Variants in SLF2 observed in about 807,000 individuals in gnomAD.
The protein encoded by SLF2 is SMC5-SMC6 complex localization factor protein 2.
SLF2 carries 68 observed loss-of-function variants against 124.3 expected under a neutral mutation model. The observed-to-expected ratio is 0.55, with a 90% CI of 0.45 to 0.67. The LOEUF is 0.67. Among genes scored for constraint, SLF2 ranks in the 30% least tolerant of loss-of-function variants. The pLI, the probability that SLF2 is intolerant of heterozygous loss-of-function variation, is 0.00. For synonymous variants in SLF2, 480 were observed against 478.8 expected, an observed-to-expected ratio of 1.00 and a Z score of -0.03; for missense variants, 1,246 against 1,373.7, an observed-to-expected ratio of 0.91 and a Z score of 1.47.
intron 4 of SLF2, among the ~76,000 whole-genome samples, chr10:100,921,659 C>G (rs1849526170): frequency 6.6e-6 from 1 of 152,212 alleles, no homozygotes; most frequent in African/African-American, 2.4e-5. Flanking sequence ...CAGTGTTTGT[C>G]TCCTCCTGGA....
At chr10:100,918,765 A>C (rs983157780) in intron 4 of SLF2, among the ~76,000 whole-genome samples, 1 of 152,070 alleles carries the variant, frequency 6.6e-6, no homozygotes, top group Non-Finnish European at 1.5e-5. Flanking sequence ...CTGGGACTAC[A>C]GATGTGGGCA....
In SLF2 at chr10:100,939,379, A is replaced by G. The variant is rs186917642; in HGVS notation, c.2654+643A>G. The stretch of plus-strand genomic sequence containing the variant: ...GGTGACAGAGTGAGACCTTGTCTTT[A>G]AAAAAAAAAAGGTGGGGGCCAGGCA... On this transcript the variant is annotated intron_variant, in intron 11 of 19. Coordinates refer to ENST00000238961, the MANE Select transcript of SLF2 (RefSeq NM_018121.4). Among the ~76,000 whole-genome samples, 110 of 144,164 alleles carry G rather than the reference A, an allele frequency of 7.6e-4. 2 individuals are homozygous for G. Among genetic ancestry groups the G allele is most frequent in the Non-Finnish European group, 1.5e-4 (10 of 64,994 alleles). The allele number at this position is 144,164 out of a possible 152,430, so 94.6% of individuals were successfully genotyped here. A position where few individuals can be genotyped will look rare whatever the true frequency, so the allele number is the denominator to read the frequency against.
chr10:100,958,259 A>G (rs1479841478), intron 18 of SLF2, among the ~76,000 whole-genome samples: 2 of 152,202 alleles, frequency 1.3e-5, no homozygotes, highest in African/African-American at 4.8e-5. Context: ...CATTTGAACA[A>G]TGCCCATTCA....
rs568647673 is a variant in SLF2, at chr10:100,952,914, G to A, written c.3330+2161G>A. 7.3e-4 allele frequency among the ~76,000 whole-genome samples: 111 copies of A among 152,234 alleles called. 1 individual carries two copies. The highest frequency in any genetic ancestry group is 6.0e-4 in the Non-Finnish European group (41 of 68,022). Reference sequence around the variant, plus strand: ...AGATCACGCCATTGCACACCAGCCTGGGCAACAGGAGCAAAATTCTGTCTC... The same window carrying A: ...AGATCACGCCATTGCACACCAGCCTAGGCAACAGGAGCAAAATTCTGTCTC... On this transcript the variant is annotated intron_variant, in intron 17 of 19. Transcript: ENST00000238961.
intron 12 of SLF2, 143 bp from the exon 13 acceptor site, chr10:100,945,187 T>C (rs576188903): frequency 1.2e-4 from 73 of 623,636 alleles, no homozygotes; most frequent in African/African-American, 1.1e-3. Context: ...GAGTAGTTCT[T>C]GCCTTCTTTT....
intron 9 of SLF2, among the ~76,000 whole-genome samples, chr10:100,935,845 GTTTTT>G (rs1377424639): frequency 7.5e-6 from 1 of 132,536 alleles, no homozygotes; most frequent in Non-Finnish European, 1.6e-5. Context: ...GATTTTTTGG[GTTTTT>G]TTTTTTTTCT....
chr10:100,945,364 G>T lies in SLF2; in HGVS notation c.2792G>T (p.Gly931Val), dbSNP rs1158721727. 2.5e-6 allele frequency: 4 copies of T among 1,600,194 alleles called. No individual in the cohort carries two copies. The highest frequency in any genetic ancestry group is 1.1e-5 in the South Asian group (1 of 87,172). The change falls in exon 13 of 20, where the codon GGT becomes GTT. Residue 931 changes from glycine to valine, a missense_variant. Coordinates refer to ENST00000238961, the MANE Select transcript of SLF2 (RefSeq NM_018121.4). ...TTGTGTACATCTATACATCCAGAAG[G>T]TTACCAGGATCGTGAAATAATGTTG... ...LGLCTSIHPEGYQDREIMLLI... is the reference protein window; with the variant it reads ...LGLCTSIHPEVYQDREIMLLI...
intron 18 of SLF2, among the ~76,000 whole-genome samples, chr10:100,957,617 C>G (rs906351160): frequency 6.6e-6 from 1 of 151,620 alleles, no homozygotes; most frequent in Non-Finnish European, 1.5e-5. Flanking sequence ...CCTCGGCATC[C>G]CAAAGAGCTG....
At position 100,962,305 on chromosome 10, in the gene SLF2, C is replaced by T. The variant is rs1384572041; in HGVS notation, c.*393C>T. 6.5e-6 allele frequency: 1 copy of T among 154,728 alleles called. No individual in the cohort carries two copies. Among genetic ancestry groups the T allele is most frequent in the Admixed American group, 6.5e-5 (1 of 15,354 alleles). 9.6% of individuals were successfully genotyped at this position (154,728 alleles called of 1,614,324 possible). ...TATATAAGAAAAGAGCTTGGACTAA[C>T]TTGAGAAGTTGGACATGGAAAGCAA... is the stretch of plus-strand genomic sequence containing the variant. On this transcript the variant is annotated 3_prime_UTR_variant, in exon 20 of 20. Transcript: ENST00000238961.
chr10:100,959,908 C>T (rs1282208636), intron 19 of SLF2, among the ~76,000 whole-genome samples: 2 of 152,134 alleles, frequency 1.3e-5, no homozygotes, highest in African/African-American at 4.8e-5. Flanking sequence ...AAATCCCATA[C>T]CCATTAGCAG....
chr10:100,935,859 C>CTT (rs556164456), intron 9 of SLF2, among the ~76,000 whole-genome samples: 28 of 99,326 alleles, frequency 2.8e-4, no homozygotes, highest in South Asian at 7.2e-4. Flanking sequence ...TTTTTTTTTT[C>CTT]TTTTTTTTTT....
intron 1 of SLF2, among the ~76,000 whole-genome samples, chr10:100,915,654 G>T (rs1849400296): frequency 6.6e-6 from 1 of 152,094 alleles, no homozygotes; most frequent in Non-Finnish European, 1.5e-5. Flanking sequence ...TTCATATGCT[G>T]ATACCCAAGA....
chr10:100,951,044 C>G (rs1280574848), intron 17 of SLF2, among the ~76,000 whole-genome samples: 1 of 152,164 alleles, frequency 6.6e-6, no homozygotes, highest in Non-Finnish European at 1.5e-5. Flanking sequence ...AGTTCAAGAC[C>G]AGCCTGGCCA....
At chr10:100,930,849 C>T in intron 8 of SLF2, 127 bp from the exon 9 acceptor site, 2 of 693,666 alleles carry the variant, frequency 2.9e-6, no homozygotes, top group Non-Finnish European at 5.1e-6. Context: ...GGTATAGAGT[C>T]CACCTCTATG....
Position 100,913,067 on chromosome 10 carries a change from C to G in SLF2, c.-44C>G. The G allele has an allele frequency of 1.3e-6, 2 of 1,599,662 alleles. No individual in the cohort carries two copies. Among genetic ancestry groups the G allele is most frequent in the Non-Finnish European group, 1.7e-6 (2 of 1,173,480 alleles). On this transcript the variant is annotated 5_prime_UTR_variant, in exon 1 of 20. Transcript: ENST00000238961. ...AGCAAGACGGCAACCACGCACCCAA[C>G]TTCTCCAGCCACGGCTCATGCCGCC...
At chr10:100,930,256 T>C (rs1849705720) in intron 8 of SLF2, among the ~76,000 whole-genome samples, 1 of 152,204 alleles carries the variant, frequency 6.6e-6, no homozygotes, top group Non-Finnish European at 1.5e-5. Context: ...ATAATAGTGG[T>C]TTAAACAAGA....
chr10:100,922,571 A>G (rs188568225), intron 4 of SLF2, among the ~76,000 whole-genome samples: 65 of 152,236 alleles, frequency 4.3e-4, no homozygotes, highest in African/African-American at 1.5e-3. Context: ...AATTTGATTT[A>G]GGGAAATCTG....
At chr10:100,961,784 G>T in intron 19 of SLF2, 93 bp from the exon 20 acceptor site, 2 of 1,052,500 alleles carry the variant, frequency 1.9e-6, no homozygotes, top group Non-Finnish European at 2.8e-6. Context: ...TCTTATCAAA[G>T]CCCATTGTCT....
rs545862795 is a variant in SLF2 at position 100,953,559 on chromosome 10, T to G, written c.3330+2806T>G. 2.6e-5 allele frequency among the ~76,000 whole-genome samples: 4 copies of G among 151,980 alleles called. No individual in the cohort carries two copies. In the South Asian group the frequency reaches 8.3e-4, roughly 32 times the overall value. On this transcript the variant is annotated intron_variant, in intron 17 of 19. Coordinates refer to ENST00000238961, the MANE Select transcript of SLF2 (RefSeq NM_018121.4). ...TGCCCTCCTGTAAATTTCTTCACAA[T>G]TTACTAATATATTACATATAATATA...
Sources: gnomAD v4.1 joint callset for allele counts (sites outside exome capture counted in the v4.1 genomes callset) on GRCh38, gnomAD v4.1.1 for gene constraint, MANE v1.5 for transcripts, NCBI Gene and HGNC (gene_info 2026-07-23, HGNC 2026-07-21) for gene names.